DDX42: variants seen among roughly 807,000 people sequenced by gnomAD.
The protein encoded by DDX42 is ATP-dependent RNA helicase DDX42.
In DDX42, 22 loss-of-function variants were observed where a neutral mutation model predicts 101.5. That is an observed-to-expected ratio of 0.22 (90% CI 0.15 to 0.31). The LOEUF (loss-of-function observed/expected upper bound fraction) is 0.31, where lower values mean the gene tolerates loss of function less well. DDX42 is among the 10% of genes least tolerant of loss of function. DDX42 has a pLI of 1.00. For synonymous variants in DDX42, 402 were observed against 401.2 expected (o/e 1.00, Z -0.02); for missense variants, 849 against 1,199.9 (o/e 0.71, Z 4.32).
At chr17:63,817,375 GA>G (rs368739744) in intron 17 of DDX42, 32 of 312,778 alleles carry the variant, frequency 1.0e-4, no homozygotes, top group South Asian at 2.6e-4. Context: ...ATTGCAGTAT[GA>G]AAATTTTTTT....
At chr17:63,791,305 A>C (rs1478746534) in intron 2 of DDX42, among the ~76,000 whole-genome samples, 1 of 151,966 alleles carries the variant, frequency 6.6e-6, no homozygotes, top group South Asian at 2.1e-4. Context: ...TTGAGCATTT[A>C]TTTTCTTGCT....
At chr17:63,807,201 C>T (rs371043751) in intron 8 of DDX42, among the ~76,000 whole-genome samples, 7 of 152,080 alleles carry the variant, frequency 4.6e-5, no homozygotes, top group Non-Finnish European at 7.4e-5. Context: ...AGTGCAGTGG[C>T]GCGATCTTGG....
chr17:63,813,192 T>C, intron 14 of DDX42, 36 bp from the exon 15 acceptor site: 1 of 1,550,238 alleles, frequency 6.5e-7, no homozygotes, highest in Non-Finnish European at 8.8e-7. Context: ...TGACTACAGA[T>C]GAAGAATAAA....
chr17:63,784,222 GT>G (rs1397340828), intron 1 of DDX42, among the ~76,000 whole-genome samples: 2 of 152,098 alleles, frequency 1.3e-5, no homozygotes. Context: ...ATAATAAACA[GT>G]TTTTGGAATT....
rs183097562 is a variant in DDX42, at chr17:63,811,068, C to T, written c.1301-8C>T. 18 of 1,611,236 alleles carry T rather than the reference C, an allele frequency of 1.1e-5. No individual in the cohort carries two copies. In the East Asian group the frequency reaches 4.0e-4, roughly 36 times the overall value. ...TGTTTCTCTAACAGAATTTATCTTA[C>T]CTTTTAGCTCTCTTATTTAGTGCAA... is the stretch of plus-strand genomic sequence containing the variant. On this transcript the variant is annotated splice_polypyrimidine_tract_variant and splice_region_variant and intron_variant, in intron 12 of 17. Transcript: ENST00000389924.
intron 1 of DDX42, among the ~76,000 whole-genome samples, chr17:63,782,439 T>G (rs2039500016): frequency 6.6e-6 from 1 of 152,112 alleles, no homozygotes; most frequent in African/African-American, 2.4e-5. Context: ...GCATCTCTAC[T>G]CAGCTCTCTC....
At chr17:63,814,473 C>T (rs1315314447) in intron 15 of DDX42, among the ~76,000 whole-genome samples, 1 of 152,148 alleles carries the variant, frequency 6.6e-6, no homozygotes, top group African/African-American at 2.4e-5. Flanking sequence ...CTCCCCTGCT[C>T]CTGAGCACAG....
chr17:63,799,401 GATT>G (rs1199419458), intron 4 of DDX42, 185 bp from the exon 5 acceptor site: 2 of 474,136 alleles, frequency 4.2e-6, no homozygotes, highest in African/African-American at 3.9e-5. Context: ...GCAAACTGCA[GATT>G]ATAGAGTGCA....
In DDX42 at chr17:63,818,120, C is replaced by G; in HGVS notation, c.2539C>G (p.Pro847Ala). The G allele has an allele frequency of 6.2e-7, 1 of 1,613,908 alleles. No homozygotes were observed. Among genetic ancestry groups the G allele is most frequent in the Non-Finnish European group, 8.5e-7 (1 of 1,180,030 alleles). ...TCGCCATGGAGATGGATACCGCCAT[C>G]CAGAAAGCAGCAGCCGTCATACTGA... ...GGRHGDGYRHPESSSRHTDGH... is the reference protein window; with the variant it reads ...GGRHGDGYRHAESSSRHTDGH... The change falls in exon 18 of 18, where the codon CCA becomes GCA. Residue 847 changes from proline to alanine, a missense_variant. By Grantham distance (27) the Pro-to-Ala change is conservative. Around this residue, in one of 5 missense-constraint regions of DDX42, gnomAD observed 300 missense variants for 304.9 expected, o/e 0.98. Transcript: ENST00000389924.
intron 1 of DDX42, among the ~76,000 whole-genome samples, chr17:63,782,313 T>C (rs2039498123): frequency 6.6e-6 from 1 of 152,208 alleles, no homozygotes; most frequent in Non-Finnish European, 1.5e-5. Flanking sequence ...ACTTCTTTTC[T>C]CACTCTGCAT....
intron 1 of DDX42, among the ~76,000 whole-genome samples, chr17:63,777,670 G>T (rs143242783): frequency 9.0e-4 from 137 of 151,498 alleles, no homozygotes; most frequent in South Asian, 1.3e-3. Flanking sequence ...GGATTGTCTC[G>T]ATCTCCTGAC....
chr17:63,812,591 TG>T (rs757590950), intron 14 of DDX42, among the ~76,000 whole-genome samples: 13 of 152,234 alleles, frequency 8.5e-5, no homozygotes, highest in South Asian at 2.1e-4. Context: ...TTTCTGGATT[TG>T]TTCTGTCAAG....
chr17:63,793,787 G>A (rs1332543301), intron 3 of DDX42, among the ~76,000 whole-genome samples: 1 of 150,924 alleles, frequency 6.6e-6, no homozygotes, highest in East Asian at 1.9e-4. Flanking sequence ...TTATTATATA[G>A]CAGATCATTA....
intron 13 of DDX42, chr17:63,811,618 A>C (rs1373349648): frequency 2.1e-6 from 1 of 484,564 alleles, no homozygotes; most frequent in East Asian, 3.7e-5. Context: ...GCTATGTGAA[A>C]AATTACTCTG....
intron 7 of DDX42, chr17:63,805,875 A>ATTCCTG (rs1272029600): frequency 1.3e-5 from 2 of 152,276 alleles, no homozygotes; most frequent in Non-Finnish European, 2.9e-5. Context: ...TGACCCAAGA[A>ATTCCTG]AAATTTTAAG....
intron 1 of DDX42, among the ~76,000 whole-genome samples, chr17:63,775,598 G>C (rs766585044): frequency 2.0e-5 from 3 of 152,158 alleles, no homozygotes; most frequent in African/African-American, 7.2e-5. Context: ...TCTGGGGAAA[G>C]GAACGTTCCA....
chr17:63,799,154 C>T (rs1385607975), intron 4 of DDX42, among the ~76,000 whole-genome samples: 1 of 152,148 alleles, frequency 6.6e-6, no homozygotes, highest in African/African-American at 2.4e-5. Context: ...AAACCATTTA[C>T]CCTAGAGCTA....
In DDX42 at chr17:63,797,121, C is replaced by T. The variant is rs576905691; in HGVS notation, c.373-917C>T. The stretch of plus-strand genomic sequence containing the variant: ...GTATATAAAAATTGCCTAGGCCGGG[C>T]GCGGTGGATCACCTGAGGTCACGAG... On this transcript the variant is annotated intron_variant, in intron 3 of 17. Coordinates refer to ENST00000389924, the MANE Select transcript of DDX42 (RefSeq NM_203499.3). Among the ~76,000 whole-genome samples, 67 of 151,950 alleles carry T rather than the reference C, an allele frequency of 4.4e-4. No individual in the cohort carries two copies. In the Middle Eastern group the frequency reaches 0.01, roughly 23 times the overall value.
chr17:63,817,857 C>G lies in DDX42; in HGVS notation c.2276C>G (p.Ala759Gly). The part of the protein sequence containing the change: ...HNSPDSPVTS[A>G]AKGIPGFGNT... ...AGTCCTGACAGCCCCGTCACCAGTG[C>G]CGCCAAGGGCATCCCAGGCTTTGGC... Residue 759 changes from alanine to glycine, a missense_variant, in exon 18 of 18, where the codon GCC becomes GGC. Physicochemically the swap from Ala to Gly is moderately conservative, Grantham distance 60. Coordinates refer to ENST00000389924, the MANE Select transcript of DDX42 (RefSeq NM_203499.3). 1 of 1,614,224 alleles carries G rather than the reference C, an allele frequency of 6.2e-7. No individual in the cohort carries two copies. The highest frequency in any genetic ancestry group is 8.5e-7 in the Non-Finnish European group (1 of 1,180,034).
Sources: allele counts gnomAD v4.1 joint callset (sites outside exome capture counted in the v4.1 genomes callset), GRCh38; gene constraint gnomAD v4.1.1; regional missense constraint gnomAD v4.1.1; transcripts MANE v1.5; gene names NCBI Gene and HGNC (gene_info 2026-07-23, HGNC 2026-07-21).